Variants in SCIN observed in about 807,000 individuals in gnomAD.
SCIN encodes the protein adseverin.
SCIN carries 91 observed loss-of-function variants against 91.8 expected under a neutral mutation model. The observed-to-expected ratio is 0.99, with a 90% CI of 0.84 to 1.18. The LOEUF (loss-of-function observed/expected upper bound fraction) is 1.18. Among genes scored for constraint, SCIN ranks in the 50% most tolerant of loss-of-function variants. The pLI, the probability that SCIN is intolerant of heterozygous loss-of-function variation, is 0.00. For synonymous variants in SCIN, 367 were observed against 312.6 expected (o/e 1.17, Z -1.84); for missense variants, 1,087 against 863.9 (o/e 1.26, Z -3.24).
At chr7:12,637,400 A>T (rs146835877) in intron 10 of SCIN, among the ~76,000 whole-genome samples, 108 of 152,312 alleles carry the variant, frequency 7.1e-4, no homozygotes, top group African/African-American at 2.5e-3. Context: ...TTACTGAAAC[A>T]AAGTCCAACA....
At chr7:12,583,830 T>C (rs1782535916) in intron 3 of SCIN, among the ~76,000 whole-genome samples, 2 of 152,124 alleles carry the variant, frequency 1.3e-5, no homozygotes, top group Non-Finnish European at 2.9e-5. Context: ...TCCAGGGCAT[T>C]CATCTATTTA....
chr7:12,654,018 G>T lies in SCIN; in HGVS notation c.*1303G>T, dbSNP rs1184729947. ...TTGCATTATCTACTAATCTATATAG[G>T]TCATTGAAAAAGAAGAAGCTACGTT... On this transcript the variant is annotated 3_prime_UTR_variant, in exon 16 of 16. Transcript: ENST00000297029. 6.6e-6 allele frequency: 1 copy of T among 151,886 alleles called. No individual in the cohort carries two copies. The highest frequency in any genetic ancestry group is 1.5e-5 in the Non-Finnish European group (1 of 67,998). 9.4% of individuals were successfully genotyped at this position (151,886 alleles called of 1,614,324 possible).
chr7:12,578,909 G>GTTATTTTTTTTTTTTTTTTTTTTTTTTTT (rs1782428760), intron 2 of SCIN, among the ~76,000 whole-genome samples: 1 of 85,898 alleles, frequency 1.2e-5, no homozygotes, highest in Non-Finnish European at 2.3e-5. Context: ...TATAGGACAG[G>GTTATTTTTTTTTTTTTTTTTTTTTTTTTT]TTTTTTTTTT....
chr7:12,629,566 A>G (rs573052639), intron 9 of SCIN, among the ~76,000 whole-genome samples: 1 of 152,286 alleles, frequency 6.6e-6, no homozygotes, highest in East Asian at 1.9e-4. Context: ...TCTTATGGTT[A>G]AAATTCACAG....
intron 11 of SCIN, among the ~76,000 whole-genome samples, chr7:12,643,099 T>C (rs1783888911): frequency 6.6e-6 from 1 of 152,232 alleles, no homozygotes; most frequent in African/African-American, 2.4e-5. Context: ...TGTTACATTC[T>C]GATCTCTTCC....
intron 3 of SCIN, among the ~76,000 whole-genome samples, chr7:12,602,831 CAT>C (rs972756624): frequency 1.3e-4 from 20 of 152,148 alleles, no homozygotes; most frequent in African/African-American, 4.6e-4. Flanking sequence ...TGTTCAAACA[CAT>C]GTGTTTTACA....
chr7:12,575,072 G>A (rs891075260), intron 1 of SCIN, among the ~76,000 whole-genome samples: 8 of 152,080 alleles, frequency 5.3e-5, no homozygotes, highest in African/African-American at 1.9e-4. Context: ...CTATATGCCT[G>A]AGTATTTCAG....
rs913270771 is a variant in SCIN at position 12,658,997 on chromosome 7, C to A, written c.*6282C>A. ...TTGAGATGGAGTCTTGCACTGTCAC[C>A]CAGGCTGGAGGACAGTGGCATGATC... On this transcript the variant is annotated 3_prime_UTR_variant, in exon 16 of 16. Transcript: ENST00000297029. 6.6e-6 allele frequency: 1 copy of A among 152,162 alleles called. No individual in the cohort carries two copies. Among genetic ancestry groups the A allele is most frequent in the Non-Finnish European group, 1.5e-5 (1 of 68,076 alleles). The allele number at this position is 152,162 out of a possible 1,614,324, so 9.4% of individuals were successfully genotyped here. A position where few individuals can be genotyped will look rare whatever the true frequency, so the allele number is the denominator to read the frequency against.
chr7:12,578,131 G>T lies in SCIN; in HGVS notation c.267G>T (p.Leu89Phe). 3.2e-6 allele frequency: 5 copies of T among 1,551,276 alleles called. No homozygotes were observed. Among genetic ancestry groups the T allele is most frequent in the Non-Finnish European group, 4.4e-6 (5 of 1,146,690 alleles). The change falls in exon 2 of 16, where the codon TTG becomes TTT. Residue 89 changes from leucine to phenylalanine, a missense_variant. Coordinates refer to ENST00000297029, the MANE Select transcript of SCIN (RefSeq NM_001112706.3). ...TCACTGTTCAGATGGATGACTATTTGGGTGGCAAGCCAGTGCAGAATAGAG... is the reference window on the plus strand; with the variant it reads ...TCACTGTTCAGATGGATGACTATTTTGGTGGCAAGCCAGTGCAGAATAGAG... Reference protein sequence around the residue: ...AIFTVQMDDYLGGKPVQNREL... With the variant: ...AIFTVQMDDYFGGKPVQNREL...
At chr7:12,641,657 C>G (rs1287287889) in intron 11 of SCIN, among the ~76,000 whole-genome samples, 1 of 152,142 alleles carries the variant, frequency 6.6e-6, no homozygotes, top group African/African-American at 2.4e-5. Flanking sequence ...ATAACTATAG[C>G]TCCTCAGAAA....
intron 3 of SCIN, among the ~76,000 whole-genome samples, chr7:12,587,692 A>T (rs991191279): frequency 6.6e-6 from 1 of 152,254 alleles, no homozygotes; most frequent in Non-Finnish European, 1.5e-5. Flanking sequence ...ACCCTCAGTC[A>T]TTTCTGCTCT....
In SCIN at chr7:12,622,837, G is replaced by C; in HGVS notation, c.703G>C (p.Asp235His). The change falls in exon 5 of 16, where the codon GAT becomes CAT. Residue 235 changes from aspartate to histidine, a missense_variant. Transcript: ENST00000297029. ...AAAGCCAGAGCTTCCAGATGGAGGTGATGATGATGACATTATAGCAGACAT... is the reference window on the plus strand; with the variant it reads ...AAAGCCAGAGCTTCCAGATGGAGGTCATGATGATGACATTATAGCAGACAT... ...GEKPELPDGGDDDDIIADISN... is the reference protein window; with the variant it reads ...GEKPELPDGGHDDDIIADISN... 6.2e-7 allele frequency: 1 copy of C among 1,612,654 alleles called. No individual in the cohort carries two copies. Among genetic ancestry groups the C allele is most frequent in the Middle Eastern group, 1.7e-4 (1 of 6,060 alleles).
intron 3 of SCIN, among the ~76,000 whole-genome samples, chr7:12,588,057 G>T (rs1387431477): frequency 6.6e-6 from 1 of 152,150 alleles, no homozygotes; most frequent in Non-Finnish European, 1.5e-5. Flanking sequence ...ACTTAAAAAT[G>T]CTTATTTTAA....
intron 3 of SCIN, among the ~76,000 whole-genome samples, chr7:12,587,808 A>T (rs10237916): frequency 6.6e-6 from 1 of 151,990 alleles, no homozygotes; most frequent in Non-Finnish European, 1.5e-5. Flanking sequence ...TACTTTTTTC[A>T]GTCTTCTTTT....
chr7:12,589,799 G>A (rs1334798349), intron 3 of SCIN, among the ~76,000 whole-genome samples: 1 of 152,118 alleles, frequency 6.6e-6, no homozygotes, highest in African/African-American at 2.4e-5. Context: ...ACTGTTGGGA[G>A]GTATTCTCCT....
In SCIN at chr7:12,626,364, C is replaced by T. The variant is rs185560703; in HGVS notation, c.982-220C>T. On this transcript the variant is annotated intron_variant, in intron 7 of 15. Transcript: ENST00000297029. ...TATGTAGAAAGACAAACTTATTTTA[C>T]TGCAGGGGTAACATATTAAAGAACT... The T allele has an allele frequency of 1.3e-3, 694 of 517,358 alleles. 3 individuals are homozygous for T. Among genetic ancestry groups the T allele is most frequent in the Middle Eastern group, 1.5e-3 (3 of 1,968 alleles). 32.0% of individuals were successfully genotyped at this position (517,358 alleles called of 1,614,324 possible). A position where few individuals can be genotyped will look rare whatever the true frequency, so the allele number is the denominator to read the frequency against.
chr7:12,587,400 C>T (rs1240266432), intron 3 of SCIN, among the ~76,000 whole-genome samples: 1 of 152,158 alleles, frequency 6.6e-6, no homozygotes, highest in Non-Finnish European at 1.5e-5. Flanking sequence ...ACTCATCAGT[C>T]CTCACTAATC....
At chr7:12,635,331 G>T (rs1783725414) in intron 9 of SCIN, among the ~76,000 whole-genome samples, 1 of 151,450 alleles carries the variant, frequency 6.6e-6, no homozygotes, top group Non-Finnish European at 1.5e-5. Flanking sequence ...CAAAATGCTG[G>T]CTGGGCGCGG....
chr7:12,636,139 G>C lies in SCIN; in HGVS notation c.1410+4G>C. On this transcript the variant is annotated splice_donor_region_variant and intron_variant, in intron 10 of 15. Transcript: ENST00000297029. ...CCTTGGAGGACAGGCTGTGCAGGTT[G>C]GGATATTTTTACCCCCAAAACTCAC... 6.2e-7 allele frequency: 1 copy of C among 1,609,032 alleles called. No homozygotes were observed. The highest frequency in any genetic ancestry group is 1.7e-5 in the Admixed American group (1 of 59,612).
Sources: gnomAD v4.1 joint callset for allele counts (sites outside exome capture counted in the v4.1 genomes callset) on GRCh38, gnomAD v4.1.1 for gene constraint, MANE v1.5 for transcripts, NCBI Gene and HGNC (gene_info 2026-07-23, HGNC 2026-07-21) for gene names.